The following ZNF445 variants were observed in gnomAD, a reference collection of about 807,000 sequenced individuals.
The protein encoded by ZNF445 is zinc finger protein 168.
Under a neutral mutation model 93.9 loss-of-function variants are expected in ZNF445, and 19 were observed. That is an observed-to-expected ratio of 0.20 (90% CI 0.14 to 0.30). The LOEUF (loss-of-function observed/expected upper bound fraction) is 0.30, where lower values mean the gene tolerates loss of function less well. ZNF445 is among the 10% of genes least tolerant of loss of function. The pLI, the probability that ZNF445 is intolerant of heterozygous loss-of-function variation, is 1.00. For missense variants in ZNF445, 1,058 were observed against 1,259.4 expected (o/e 0.84, Z 2.42); for synonymous variants, 449 against 446.3 (o/e 1.01, Z -0.08).
At chr3:44,477,446 C>T (rs1465902666) in intron 1 of ZNF445, 145 bp downstream of exon 1, 11 of 151,686 alleles carry the variant, frequency 7.3e-5, no homozygotes, top group Admixed American at 5.9e-4. Flanking sequence ...GGGGCGGGAT[C>T]CACCGCCAGA....
chr3:44,446,349 G>T lies in ZNF445; in HGVS notation c.*226C>A. Reference sequence around the variant, plus strand: ...GCAGAGGCCACTCCTAGGGGCCGGAGTCTCCAGAAGGGCTCCAAAGGACAT... The same window carrying T: ...GCAGAGGCCACTCCTAGGGGCCGGATTCTCCAGAAGGGCTCCAAAGGACAT... On this transcript the variant is annotated 3_prime_UTR_variant, in exon 8 of 8. Coordinates refer to ENST00000396077, the MANE Select transcript of ZNF445 (RefSeq NM_181489.6). This position sits in a 1 kb window ranked among gnomAD's most constrained non-coding sequence, Gnocchi z 4.2. The T allele has an allele frequency of 1.7e-6, 1 of 593,704 alleles. No homozygotes were observed. Among genetic ancestry groups the T allele is most frequent in the Non-Finnish European group, 2.9e-6 (1 of 347,556 alleles). 36.8% of individuals were successfully genotyped at this position (593,704 alleles called of 1,614,324 possible).
At chr3:44,463,617 C>T (rs575191343) in intron 1 of ZNF445, among the ~76,000 whole-genome samples, 134 of 152,248 alleles carry the variant, frequency 8.8e-4, no homozygotes, top group African/African-American at 3.1e-3. Context: ...TGTGTAATAA[C>T]TAAGTAGGAA....
chr3:44,470,822 G>A (rs1191547214), intron 1 of ZNF445, among the ~76,000 whole-genome samples: 1 of 152,156 alleles, frequency 6.6e-6, no homozygotes, highest in Non-Finnish European at 1.5e-5. Flanking sequence ...GATGGCAGAT[G>A]CACAGTAGAA....
intron 1 of ZNF445, among the ~76,000 whole-genome samples, chr3:44,462,789 G>A (rs1441574712): frequency 6.6e-6 from 1 of 152,044 alleles, no homozygotes; most frequent in Non-Finnish European, 1.5e-5. Flanking sequence ...AGTTACCTGT[G>A]GTAAAATTCA....
In ZNF445 at chr3:44,441,422, G is replaced by T; in HGVS notation, c.*5153C>A. 6.6e-6 allele frequency: 1 copy of T among 152,336 alleles called. No homozygotes were observed. The allele number at this position is 152,336 out of a possible 1,614,324, so 9.4% of individuals were successfully genotyped here. ...GTGCTGACCTCCTATCTCATCCCATGACTTGGAATGCCTAACCTCCTGGGA... is the reference window on the plus strand; with the variant it reads ...GTGCTGACCTCCTATCTCATCCCATTACTTGGAATGCCTAACCTCCTGGGA... On this transcript the variant is annotated 3_prime_UTR_variant, in exon 8 of 8. Transcript: ENST00000396077.
rs955727217 is a variant in ZNF445 at position 44,474,531 on chromosome 3, GAACA to G, written c.-269+3056_-269+3059del. Among the ~76,000 whole-genome samples the G allele has an allele frequency of 6.6e-5, 10 of 151,956 alleles. No individual in the cohort carries two copies. The South Asian group carries it at 1.7e-3, about 25-fold the overall frequency. ...TTCCGTCTCAAACAAACAAAAAACAGAACAAACAAAAAAACAAATATAAAACACT... is the reference window on the plus strand; with the variant it reads ...TTCCGTCTCAAACAAACAAAAAACAGAACAAAAAAACAAATATAAAACACT... On this transcript the variant is annotated intron_variant, in intron 1 of 7. Transcript: ENST00000396077.
chr3:44,463,110 C>A (rs970850873), intron 1 of ZNF445, among the ~76,000 whole-genome samples: 2 of 151,790 alleles, frequency 1.3e-5, no homozygotes, highest in Non-Finnish European at 2.9e-5. Flanking sequence ...GGTCTCAGTT[C>A]ACTGCAACCT....
At chr3:44,452,537 C>T (rs375448987) in intron 3 of ZNF445, among the ~76,000 whole-genome samples, 1 of 152,192 alleles carries the variant, frequency 6.6e-6, no homozygotes, top group African/African-American at 2.4e-5. Flanking sequence ...CCAGCCCCCA[C>T]TGTCTTTTAA....
chr3:44,461,233 A>G (rs2125682622), intron 1 of ZNF445, among the ~76,000 whole-genome samples: 1 of 152,084 alleles, frequency 6.6e-6, no homozygotes, highest in African/African-American at 2.4e-5. Context: ...TAGCTCTACC[A>G]TGGGGTGTCT....
rs1697619788 is a variant in ZNF445, at chr3:44,434,007, AAC to A, written c.*12566_*12567del. On this transcript the variant is annotated 3_prime_UTR_variant, in exon 8 of 8. Coordinates refer to ENST00000396077, the MANE Select transcript of ZNF445 (RefSeq NM_181489.6). The stretch of plus-strand genomic sequence containing the variant: ...AGACTCCCAGGCAGCCCCTTTGGAA[AAC>A]AGTTTGGCATTTCCCCAAAATGTTA... 2.6e-5 allele frequency: 4 copies of A among 152,182 alleles called. No homozygotes were observed. Among genetic ancestry groups the A allele is most frequent in the South Asian group, 4.1e-4 (2 of 4,828 alleles). 9.4% of individuals were successfully genotyped at this position (152,182 alleles called of 1,614,324 possible).
In ZNF445 at chr3:44,451,303, G is replaced by A; in HGVS notation, c.598+11C>T. Reference sequence around the variant, plus strand: ...CATAAGGCTGGGGTCTTAAGGCCAGGCAGCAAGTACCGGATTGCCCAGCCA... The same window carrying A: ...CATAAGGCTGGGGTCTTAAGGCCAGACAGCAAGTACCGGATTGCCCAGCCA... On this transcript the variant is annotated intron_variant, in intron 4 of 7. Transcript: ENST00000396077. The A allele has an allele frequency of 6.2e-7, 1 of 1,610,982 alleles. No individual in the cohort carries two copies. The highest frequency in any genetic ancestry group is 8.5e-7 in the Non-Finnish European group (1 of 1,177,454).
rs1697634787 is a variant in ZNF445 at position 44,434,435 on chromosome 3, G to A, written c.*12140C>T. 2 of 151,602 alleles carry A rather than the reference G, an allele frequency of 1.3e-5. No homozygotes were observed. Among genetic ancestry groups the A allele is most frequent in the Non-Finnish European group, 2.9e-5 (2 of 67,886 alleles). 9.4% of individuals were successfully genotyped at this position (151,602 alleles called of 1,614,324 possible). A position where few individuals can be genotyped will look rare whatever the true frequency, so the allele number is the denominator to read the frequency against. ...AAAGAAAAAAAAAAGAGAGAAAGAA[G>A]TTTTGGAAACATTATTTGCCCTTAG... On this transcript the variant is annotated 3_prime_UTR_variant, in exon 8 of 8. Coordinates refer to ENST00000396077, the MANE Select transcript of ZNF445 (RefSeq NM_181489.6).
rs1386029899 is a variant in ZNF445, at chr3:44,446,830, A to C, written c.2841T>G (p.Ser947Arg). 1.2e-6 allele frequency: 2 copies of C among 1,614,070 alleles called. No homozygotes were observed. Among genetic ancestry groups the C allele is most frequent in the South Asian group, 2.2e-5 (2 of 91,088 alleles). ...TKLRLQKLKP[S>R]EEMPLEDCKE... ...TGCAGTCTTCGAGGGGCATCTCTTC[A>C]CTTGGTTTTAGCTTCTGTAATCTCA... Residue 947 changes from serine (S) to arginine (R), a missense_variant, in exon 8 of 8, where the codon AGT becomes AGG. Around this residue, in one of 3 missense-constraint regions of ZNF445, gnomAD observed 387 missense variants for 475.7 expected, o/e 0.81. Coordinates refer to ENST00000396077, the MANE Select transcript of ZNF445 (RefSeq NM_181489.6). The surrounding 1 kb of genome is among the most constrained non-coding windows in gnomAD (Gnocchi z 4.2).
At chr3:44,461,235 GGGGTGTCTGTGTCTGTAGCACCACTGCT>G (rs1347249292) in intron 1 of ZNF445, among the ~76,000 whole-genome samples, 1 of 152,118 alleles carries the variant, frequency 6.6e-6, no homozygotes, top group Non-Finnish European at 1.5e-5. Flanking sequence ...GCTCTACCAT[GGGGTGTCTGTGTCTGTAGCACCACTGCT>G]GGGTGTCTGT....
intron 1 of ZNF445, among the ~76,000 whole-genome samples, chr3:44,460,969 G>A (rs1244806663): frequency 6.6e-6 from 1 of 152,188 alleles, no homozygotes; most frequent in Non-Finnish European, 1.5e-5. Context: ...GGAACTGGGG[G>A]CTGATTCTGG....
At chr3:44,464,301 T>A (rs1475394789) in intron 1 of ZNF445, among the ~76,000 whole-genome samples, 1 of 152,172 alleles carries the variant, frequency 6.6e-6, no homozygotes, top group Non-Finnish European at 1.5e-5. Context: ...TAGAAATACA[T>A]GCTTTCCTGG....
At chr3:44,452,051 G>A (rs527355239) in intron 3 of ZNF445, among the ~76,000 whole-genome samples, 4 of 152,286 alleles carry the variant, frequency 2.6e-5, no homozygotes, top group African/African-American at 9.6e-5. Flanking sequence ...TGGAACCATA[G>A]AAGAAAGTCT....
intron 1 of ZNF445, among the ~76,000 whole-genome samples, chr3:44,474,873 T>C (rs1339350993): frequency 6.6e-6 from 1 of 152,118 alleles, no homozygotes; most frequent in Non-Finnish European, 1.5e-5. Flanking sequence ...GGCTCACACC[T>C]GTAATCCTAG....
intron 1 of ZNF445, among the ~76,000 whole-genome samples, chr3:44,470,787 T>A (rs966237843): frequency 6.6e-6 from 1 of 152,142 alleles, no homozygotes; most frequent in African/African-American, 2.4e-5. Context: ...AGCAAAGCAA[T>A]TGAGTAGCAA....
Sources: allele counts gnomAD v4.1 joint callset (sites outside exome capture counted in the v4.1 genomes callset), GRCh38; gene constraint gnomAD v4.1.1; regional missense constraint gnomAD v4.1.1; non-coding constraint Gnocchi (gnomAD v3.1); transcripts MANE v1.5; gene names NCBI Gene and HGNC (gene_info 2026-07-23, HGNC 2026-07-21).